Variants in KIFBP observed in about 807,000 individuals in gnomAD.
The protein encoded by KIFBP is kinesin family binding protein, also known as KIF-binding protein.
Under a neutral mutation model 58.9 loss-of-function variants are expected in KIFBP, and 46 were observed. The ratio of observed to expected loss-of-function variants is 0.78; its 90% CI spans 0.62 to 1.00. The LOEUF (loss-of-function observed/expected upper bound fraction) is 1.00. KIFBP is among the 50% of genes least tolerant of loss of function. The pLI is 0.00. For missense variants in KIFBP, 651 were observed against 752.9 expected (o/e 0.86, Z 1.58); for synonymous variants, 241 against 283.4 (o/e 0.85, Z 1.50).
At position 69,005,064 on chromosome 10, in the gene KIFBP, G is replaced by A; in HGVS notation, c.544G>A (p.Asp182Asn). Residue 182 changes from aspartate (D) to asparagine (N), a missense_variant, in exon 3 of 7, where the codon GAT (aspartate) becomes AAT (asparagine). Asp to Asn is a conservative substitution (Grantham distance 23). Coordinates refer to ENST00000361983, the MANE Select transcript of KIFBP (RefSeq NM_015634.4). Reference protein sequence around the residue: ...YMKEVGSPPLDPTERFLPEEE... With the variant: ...YMKEVGSPPLNPTERFLPEEE... ...ATTGTAGGTTGGGAGTCCTCCTCTT[G>A]ATCCTACTGAGCGTTTTCTTCCTGA... is the stretch of plus-strand genomic sequence containing the variant. 6.2e-7 allele frequency: 1 copy of A among 1,613,512 alleles called. No homozygotes were observed. The highest frequency in any genetic ancestry group is 8.5e-7 in the Non-Finnish European group (1 of 1,179,520).
chr10:69,003,044 C>CA (rs5785887), intron 2 of KIFBP, among the ~76,000 whole-genome samples: 31,392 of 105,500 alleles, frequency 0.3, 4,454 homozygotes, highest in East Asian at 0.55. Context: ...CCCGTCTTTA[C>CA]AAAAAAAAAA....
In KIFBP at chr10:69,015,609, T is replaced by A; in HGVS notation, c.1059T>A (p.Asp353Glu). 6.2e-7 allele frequency: 1 copy of A among 1,613,746 alleles called. No individual in the cohort carries two copies. The highest frequency in any genetic ancestry group is 8.5e-7 in the Non-Finnish European group (1 of 1,179,912). ...GAGCTTTAAGGAAAAAAGAACTAGA[T>A]GAGGAGGAAAGCATTCGGAAAAAAG... ...ELRALRKKEL[D>E]EEESIRKKAV... Residue 353 changes from aspartate (D) to glutamate (E), a missense_variant, in exon 7 of 7, where the codon GAT becomes GAA. Asp to Glu is a conservative substitution (Grantham distance 45, BLOSUM62 2). Transcript: ENST00000361983.
intron 1 of KIFBP, among the ~76,000 whole-genome samples, chr10:68,997,315 A>T (rs1450196006): frequency 6.6e-6 from 1 of 152,180 alleles, no homozygotes; most frequent in Non-Finnish European, 1.5e-5. Flanking sequence ...CCCAAATCTC[A>T]TGTTGAATTG....
At chr10:68,990,408 G>C (rs1226192329) in intron 1 of KIFBP, among the ~76,000 whole-genome samples, 1 of 151,960 alleles carries the variant, frequency 6.6e-6, no homozygotes, top group African/African-American at 2.4e-5. Context: ...AACTAGCCAG[G>C]CATGGTGGTA....
intron 4 of KIFBP, among the ~76,000 whole-genome samples, chr10:69,006,469 T>G (rs1843537837): frequency 6.6e-6 from 1 of 152,188 alleles, no homozygotes; most frequent in Non-Finnish European, 1.5e-5. Context: ...TTTTTGAGCT[T>G]CTTAGTTGTT....
At position 69,008,389 on chromosome 10, in the gene KIFBP, AAAATATATATATAT is replaced by A. The variant is rs1238652193; in HGVS notation, c.790-450_790-437del. On this transcript the variant is annotated intron_variant, in intron 4 of 6. Transcript: ENST00000361983. ...GACCCCTGTCTCGTAAAAAAAAAAAAAAATATATATATATATATATATATATATATTCAGTCTTC... is the reference window on the plus strand; with the variant it reads ...GACCCCTGTCTCGTAAAAAAAAAAAAATATATATATATATATTCAGTCTTC... 7.1e-3 allele frequency among the ~76,000 whole-genome samples: 403 copies of A among 56,584 alleles called. 21 individuals are homozygous for A. The highest frequency in any genetic ancestry group is 0.033 in the African/African-American group (387 of 11,614). The allele number at this position is 56,584 out of a possible 152,430, so 37.1% of individuals were successfully genotyped here. A position where few individuals can be genotyped will look rare whatever the true frequency, so the allele number is the denominator to read the frequency against.
Position 68,988,821 on chromosome 10 carries a change from G to A in KIFBP, c.-12G>A, listed in dbSNP as rs752598199. On this transcript the variant is annotated 5_prime_UTR_variant, in exon 1 of 7. Coordinates refer to ENST00000361983, the MANE Select transcript of KIFBP (RefSeq NM_015634.4). ...TGCAAACATTGAGGAAAGCCAGGCAGTAGAGGCCGCTATGGCGAACGTTCC... is the reference window on the plus strand; with the variant it reads ...TGCAAACATTGAGGAAAGCCAGGCAATAGAGGCCGCTATGGCGAACGTTCC... 6.2e-7 allele frequency: 1 copy of A among 1,614,282 alleles called. No individual in the cohort carries two copies. Among genetic ancestry groups the A allele is most frequent in the Non-Finnish European group, 8.5e-7 (1 of 1,180,048 alleles).
intron 3 of KIFBP, 34 bp from the exon 4 acceptor site, chr10:69,005,698 A>G (rs757274490): frequency 1.0e-5 from 15 of 1,500,098 alleles, no homozygotes; most frequent in African/African-American, 1.4e-5. Flanking sequence ...CAAGTAAACC[A>G]TTACACAAAT....
chr10:68,993,713 C>G (rs1425763318), intron 1 of KIFBP, among the ~76,000 whole-genome samples: 1 of 151,962 alleles, frequency 6.6e-6, no homozygotes, highest in East Asian at 1.9e-4. Flanking sequence ...CTCGGCTTCC[C>G]AAAGTGCAAG....
intron 1 of KIFBP, among the ~76,000 whole-genome samples, chr10:68,996,906 G>A (rs1263519613): frequency 6.6e-6 from 1 of 151,940 alleles, no homozygotes; most frequent in Admixed American, 6.6e-5. Flanking sequence ...GCTCATGCCT[G>A]TAATCCCAAG....
chr10:69,011,067 T>A, intron 6 of KIFBP, 52 bp downstream of exon 6: 1 of 1,214,148 alleles, frequency 8.2e-7, no homozygotes, highest in Non-Finnish European at 1.2e-6. Flanking sequence ...AAATTGTAAG[T>A]AAAAACTCAT....
rs113678555 is a variant in KIFBP, at chr10:69,005,600, C to T, written c.606-132C>T. On this transcript the variant is annotated intron_variant, in intron 3 of 6. Coordinates refer to ENST00000361983, the MANE Select transcript of KIFBP (RefSeq NM_015634.4). ...CTGAGGCAGGAGAATTGCTTGAACC[C>T]AGGAGGCGGAGGCAGTGAGCCAAGA... 46,455 of 674,996 alleles carry T rather than the reference C, an allele frequency of 0.069. 1,842 individuals carry two copies. The highest frequency in any genetic ancestry group is 0.11 in the Middle Eastern group (267 of 2,446). 41.8% of individuals were successfully genotyped at this position (674,996 alleles called of 1,614,324 possible). A position where few individuals can be genotyped will look rare whatever the true frequency, so the allele number is the denominator to read the frequency against.
At chr10:68,997,854 G>C (rs954787592) in intron 1 of KIFBP, among the ~76,000 whole-genome samples, 4 of 152,122 alleles carry the variant, frequency 2.6e-5, no homozygotes, top group Admixed American at 2.0e-4. Flanking sequence ...ACCAGAAACT[G>C]GTTAGTCACA....
chr10:69,000,802 T>G (rs1420556130), intron 2 of KIFBP, among the ~76,000 whole-genome samples: 1 of 152,256 alleles, frequency 6.6e-6, no homozygotes, highest in Admixed American at 6.5e-5. Context: ...TATTTGCATG[T>G]TTTTGTATTT....
intron 4 of KIFBP, among the ~76,000 whole-genome samples, chr10:69,008,500 T>C (rs927660974): frequency 1.4e-5 from 2 of 147,254 alleles, no homozygotes; most frequent in African/African-American, 5.1e-5. Context: ...CCTAAAGGAG[T>C]TTTTGAGACA....
chr10:69,003,794 A>G (rs1032972981), intron 2 of KIFBP, among the ~76,000 whole-genome samples: 1 of 152,176 alleles, frequency 6.6e-6, no homozygotes, highest in Non-Finnish European at 1.5e-5. Flanking sequence ...AAATATTAAA[A>G]TCTCTCATTT....
intron 6 of KIFBP, among the ~76,000 whole-genome samples, chr10:69,011,527 C>T (rs936954725): frequency 6.0e-5 from 9 of 151,060 alleles, no homozygotes; most frequent in African/African-American, 1.9e-4. Flanking sequence ...GGAGTACAGG[C>T]GTGTGCCACC....
At chr10:69,015,057 G>T (rs1838977565) in intron 6 of KIFBP, among the ~76,000 whole-genome samples, 2 of 152,058 alleles carry the variant, frequency 1.3e-5, no homozygotes, top group Non-Finnish European at 2.9e-5. Context: ...CAAGTAGCTG[G>T]GATTACAGGC....
At chr10:69,009,222 G>A (rs763303506) in intron 5 of KIFBP, among the ~76,000 whole-genome samples, 3 of 151,780 alleles carry the variant, frequency 2.0e-5, no homozygotes, top group Non-Finnish European at 4.4e-5. Context: ...TGTAACATTG[G>A]CCAGGCATGG....
Sources: gnomAD v4.1 joint callset for allele counts (sites outside exome capture counted in the v4.1 genomes callset) on GRCh38, gnomAD v4.1.1 for gene constraint, MANE v1.5 for transcripts, NCBI Gene and HGNC (gene_info 2026-07-23, HGNC 2026-07-21) for gene names.